Variants in PPP1CC observed in about 807,000 individuals in gnomAD.
PPP1CC encodes the protein serine/threonine-protein phosphatase PP1-gamma catalytic subunit.
A neutral mutation model predicts 38.4 loss-of-function variants in PPP1CC; 16 were observed. The observed-to-expected ratio is 0.42, with a 90% confidence interval of 0.28 to 0.63. The LOEUF is 0.63. PPP1CC is among the 30% of genes least tolerant of loss of function. PPP1CC has a pLI of 0.25. For synonymous variants in PPP1CC, 158 were observed against 136.0 expected (o/e 1.16, Z -1.13); for missense variants, 170 against 391.3 (o/e 0.43, Z 4.77).
chr12:110,733,515 T>C (rs1275107264), intron 1 of PPP1CC, among the ~76,000 whole-genome samples: 1 of 152,250 alleles, frequency 6.6e-6, no homozygotes, highest in African/African-American at 2.4e-5. Context: ...ACTGTCACCT[T>C]TGAACATAGT....
chr12:110,730,516 G>A lies in PPP1CC; in HGVS notation c.418+13C>T, dbSNP rs757090333. The A allele has an allele frequency of 9.7e-6, 15 of 1,553,972 alleles. No individual in the cohort carries two copies. The highest frequency in any genetic ancestry group is 4.5e-5 in the East Asian group (2 of 44,548). Reference sequence around the variant, plus strand: ...TTTCAATAACTCTTCCTTAGATATAGAAAAGTACTTACATTCATCATAAAA... The same window carrying A: ...TTTCAATAACTCTTCCTTAGATATAAAAAAGTACTTACATTCATCATAAAA... On this transcript the variant is annotated intron_variant, in intron 3 of 6. Transcript: ENST00000335007.
At chr12:110,716,636 G>A (rs1057206725), downstream of PPP1CC, among the ~76,000 whole-genome samples, 6 of 152,186 alleles carry the variant, frequency 3.9e-5, no homozygotes, top group Admixed American at 6.6e-5. Context: ...TTACAGGCAT[G>A]AGCCACTGCA....
At chr12:110,713,483 T>C in the PPP1CC span, among the ~76,000 whole-genome samples, 29 of 152,110 alleles carry the variant, frequency 1.9e-4, no homozygotes, top group South Asian at 5.6e-3. Context: ...TCTTAGCTAT[T>C]TGGATCTTAG....
downstream of PPP1CC, chr12:110,719,655 T>C (rs982188223): frequency 1.3e-5 from 2 of 152,880 alleles, no homozygotes; most frequent in African/African-American, 4.8e-5. Context: ...TTAATCCCCA[T>C]CTCCCCAAAT....
chr12:110,712,112 A>G, the PPP1CC span, among the ~76,000 whole-genome samples: 3 of 152,016 alleles, frequency 2.0e-5, no homozygotes, highest in Admixed American at 6.6e-5. Context: ...ATTGTGTTAT[A>G]ATTGCCTACA....
downstream of PPP1CC, among the ~76,000 whole-genome samples, chr12:110,718,279 G>C (rs1333689216): frequency 4.6e-5 from 7 of 152,168 alleles, no homozygotes; most frequent in African/African-American, 1.7e-4. Flanking sequence ...GTATTACATA[G>C]ATGATTGAGC....
chr12:110,712,323 T>G, the PPP1CC span, among the ~76,000 whole-genome samples: 2 of 151,572 alleles, frequency 1.3e-5, no homozygotes, highest in Non-Finnish European at 2.9e-5. Flanking sequence ...ACAATATACC[T>G]TATAGATACA....
the PPP1CC span, among the ~76,000 whole-genome samples, chr12:110,708,558 G>C: frequency 6.6e-6 from 1 of 152,104 alleles, no homozygotes. Context: ...TCTGAAAAAT[G>C]TCAAGTGGGT....
At chr12:110,734,534 G>T (rs73194038) in intron 1 of PPP1CC, among the ~76,000 whole-genome samples, 13,977 of 151,992 alleles carry the variant, frequency 0.092, 724 homozygotes, top group African/African-American at 0.12. Context: ...GTACAGATGG[G>T]GTTTCTCCAT....
At chr12:110,723,644 C>T (rs1014725965) in intron 4 of PPP1CC, among the ~76,000 whole-genome samples, 5 of 152,108 alleles carry the variant, frequency 3.3e-5, no homozygotes, top group South Asian at 2.1e-4. Context: ...CAAATAGCTA[C>T]GGCTACAGGT....
chr12:110,726,357 C>T (rs2069799289), intron 3 of PPP1CC: 2 of 152,212 alleles, frequency 1.3e-5, no homozygotes, highest in Non-Finnish European at 2.9e-5. Flanking sequence ...CTGGGTCTAA[C>T]ACTGACTATG....
intron 3 of PPP1CC, among the ~76,000 whole-genome samples, chr12:110,727,062 T>C (rs1361904871): frequency 6.6e-6 from 1 of 152,178 alleles, no homozygotes; most frequent in Non-Finnish European, 1.5e-5. Context: ...CTCAATCTCC[T>C]GAGTGTCCGC....
In PPP1CC at chr12:110,729,697, CTAAT is replaced by C. The variant is rs139644728; in HGVS notation, c.418+828_418+831del. On this transcript the variant is annotated intron_variant, in intron 3 of 6. Coordinates refer to ENST00000335007, the MANE Select transcript of PPP1CC (RefSeq NM_002710.4). ...AGAAAAACTATAATAATTTCAAAAA[CTAAT>C]TATTTACGTATTGCAAGATTCCATT... Among the ~76,000 whole-genome samples the C allele has an allele frequency of 7.2e-3, 1,098 of 152,284 alleles. 13 individuals are homozygous for C. Among genetic ancestry groups the C allele is most frequent in the African/African-American group, 0.025 (1,040 of 41,562 alleles).
intron 4 of PPP1CC, among the ~76,000 whole-genome samples, chr12:110,723,789 A>G (rs2069765237): frequency 3.3e-5 from 5 of 152,122 alleles, no homozygotes; most frequent in Admixed American, 2.0e-4. Context: ...GGAATTACAG[A>G]TGCGAGCCAC....
chr12:110,739,546 C>A (rs1035227596), intron 1 of PPP1CC, among the ~76,000 whole-genome samples: 1 of 152,022 alleles, frequency 6.6e-6, no homozygotes, highest in Admixed American at 6.6e-5. Flanking sequence ...CTGAACACTC[C>A]CTACCTTCAG....
the PPP1CC span, among the ~76,000 whole-genome samples, chr12:110,711,178 AAAAT>A: frequency 5.7e-4 from 86 of 152,210 alleles, no homozygotes; most frequent in Non-Finnish European, 1.0e-3. Flanking sequence ...GTCTCAAAAT[AAAAT>A]AAATAAATAA....
At chr12:110,727,736 T>C (rs1005280339) in intron 3 of PPP1CC, among the ~76,000 whole-genome samples, 1 of 152,224 alleles carries the variant, frequency 6.6e-6, no homozygotes, top group East Asian at 1.9e-4. Flanking sequence ...ATAAAATTAG[T>C]TAAGTATTTT....
At chr12:110,732,233 G>C in intron 1 of PPP1CC, 1 of 405,446 alleles carries the variant, frequency 2.5e-6, no homozygotes, top group Non-Finnish European at 4.4e-6. Context: ...GAGGCGGGCA[G>C]ATCATGATGA....
At position 110,728,490 on chromosome 12, in the gene PPP1CC, TGA is replaced by T. The variant is rs1212841110; in HGVS notation, c.418+2037_418+2038del. Among the ~76,000 whole-genome samples, 5 of 151,866 alleles carry T rather than the reference TGA, an allele frequency of 3.3e-5. No individual in the cohort carries two copies. In the East Asian group the frequency reaches 9.7e-4, roughly 29 times the overall value. ...AGTGTTGGCTGGGTGTGGTGGCTCA[TGA>T]CTGTAATCCCAGCACTTAGGGAGGC... On this transcript the variant is annotated intron_variant, in intron 3 of 6. Transcript: ENST00000335007.
Sources: gnomAD v4.1 joint callset for allele counts (sites outside exome capture counted in the v4.1 genomes callset) on GRCh38, gnomAD v4.1.1 for gene constraint, MANE v1.5 for transcripts, NCBI Gene and HGNC (gene_info 2026-07-23, HGNC 2026-07-21) for gene names.